The following RTL4 variants were observed in gnomAD, a reference collection of about 807,000 sequenced individuals.
The protein encoded by RTL4 is retrotransposon Gag-like protein 4.
In RTL4, 4 loss-of-function variants were observed where a neutral mutation model predicts 5.3. That is an observed-to-expected ratio of 0.75 (90% CI 0.37 to 1.72). The LOEUF is 1.72. RTL4 is among the 40% of genes most tolerant of loss of function. RTL4 has a pLI of 0.04. For missense variants in RTL4, 260 were observed against 227.1 expected (o/e 1.14, Z -0.93); for synonymous variants, 98 against 87.3 (o/e 1.12, Z -0.68).
the RTL4 span, among the ~76,000 whole-genome samples, chrX:112,341,163 CAAAAAAA>C: frequency 2.1e-4 from 16 of 77,661 alleles, no homozygotes; most frequent in Non-Finnish European, 2.6e-5. Context: ...TGATAGCAGG[CAAAAAAA>C]AAAAAAATGC....
At chrX:112,304,316 T>C in the RTL4 span, among the ~76,000 whole-genome samples, 1 of 111,038 alleles carries the variant, frequency 9.0e-6, no homozygotes, top group Non-Finnish European at 1.9e-5. Context: ...GCGTGTGTGT[T>C]TGTGTGTGTG....
chrX:112,409,514 G>C, the RTL4 span, among the ~76,000 whole-genome samples: 1 of 110,263 alleles, frequency 9.1e-6, no homozygotes, highest in Non-Finnish European at 1.9e-5. Context: ...GAGGTCGGGA[G>C]TTCGAGACCA....
the RTL4 span, among the ~76,000 whole-genome samples, chrX:112,250,287 A>AAAAAG: frequency 2.7e-5 from 3 of 111,190 alleles, no homozygotes; most frequent in East Asian, 8.5e-4. Context: ...TCAAAAAAAA[A>AAAAAG]AAAAGAAAAG....
the RTL4 span, among the ~76,000 whole-genome samples, chrX:112,253,058 G>A: frequency 1.8e-5 from 2 of 111,651 alleles, no homozygotes; most frequent in African/African-American, 3.3e-5. Flanking sequence ...ATATGAAAAC[G>A]TTTTGAACCA....
At chrX:112,455,480 C>T in exon 1 of RTL4, 2 of 1,211,455 alleles carry the variant, frequency 1.7e-6, no homozygotes, top group Non-Finnish European at 2.2e-6. Context: ...ACAGATCCAC[C>T]ACCCAAGAAA....
the RTL4 span, among the ~76,000 whole-genome samples, chrX:112,390,577 A>G: frequency 1.8e-4 from 20 of 110,773 alleles, no homozygotes; most frequent in African/African-American, 6.3e-4. Context: ...TGGATATGAA[A>G]TTTTCAGTTG....
At chrX:112,128,524 T>G in the RTL4 span, among the ~76,000 whole-genome samples, 2 of 109,383 alleles carry the variant, frequency 1.8e-5, no homozygotes, top group Non-Finnish European at 3.8e-5. Context: ...CCAGGCGCAG[T>G]GGCACGCGCC....
chrX:112,356,853 T>A, the RTL4 span, among the ~76,000 whole-genome samples: 6 of 111,655 alleles, frequency 5.4e-5, no homozygotes, highest in Middle Eastern at 4.2e-3. Context: ...CATGTGTTCA[T>A]CTTAACCCAA....
At chrX:112,225,574 C>T in the RTL4 span, among the ~76,000 whole-genome samples, 2 of 111,807 alleles carry the variant, frequency 1.8e-5, no homozygotes, top group Non-Finnish European at 3.8e-5. Context: ...CCATTCTCTC[C>T]AGTGCCTGTA....
At chrX:112,253,134 G>T in the RTL4 span, among the ~76,000 whole-genome samples, 1 of 111,680 alleles carries the variant, frequency 9.0e-6, no homozygotes, top group African/African-American at 3.3e-5. Flanking sequence ...CTCCTGAGTG[G>T]CAATGGTGAG....
chrX:112,432,097 G>A, the RTL4 span, among the ~76,000 whole-genome samples: 1 of 104,087 alleles, frequency 9.6e-6, no homozygotes. Flanking sequence ...TCCATGGTGT[G>A]TATGTGCCAC....
chrX:112,368,541 G>C, the RTL4 span, among the ~76,000 whole-genome samples: 1 of 111,060 alleles, frequency 9.0e-6, no homozygotes, highest in Non-Finnish European at 1.9e-5. Flanking sequence ...GCAATGTCTG[G>C]AGACATTTTG....
At chrX:112,113,743 C>T in the RTL4 span, among the ~76,000 whole-genome samples, 2 of 111,803 alleles carry the variant, frequency 1.8e-5, no homozygotes, top group Non-Finnish European at 3.8e-5. Context: ...AAGGGGGCAG[C>T]TTGTTTCTTG....
the RTL4 span, among the ~76,000 whole-genome samples, chrX:112,229,959 T>A: frequency 8.9e-6 from 1 of 112,527 alleles, no homozygotes; most frequent in East Asian, 2.8e-4. Flanking sequence ...GCCTCCCAGT[T>A]AGGCTACTCG....
chrX:112,329,076 C>T, the RTL4 span, among the ~76,000 whole-genome samples: 1 of 110,500 alleles, frequency 9.0e-6, no homozygotes, highest in Non-Finnish European at 1.9e-5. Flanking sequence ...AAAATTGACA[C>T]CCTAACATCA....
At chrX:112,328,516 G>C in the RTL4 span, among the ~76,000 whole-genome samples, 3 of 111,363 alleles carry the variant, frequency 2.7e-5, no homozygotes, top group African/African-American at 3.3e-5. Flanking sequence ...AGCAAGTCCT[G>C]AGTGACCTAC....
At chrX:112,294,849 T>C in the RTL4 span, among the ~76,000 whole-genome samples, 7 of 111,558 alleles carry the variant, frequency 6.3e-5, no homozygotes, top group Non-Finnish European at 1.1e-4. Context: ...GATCTGACCA[T>C]TGAATGATAG....
At chrX:112,228,399 T>G in the RTL4 span, among the ~76,000 whole-genome samples, 1 of 112,152 alleles carries the variant, frequency 8.9e-6, no homozygotes, top group Non-Finnish European at 1.9e-5. Context: ...GGATTATTTT[T>G]CCTTTTTAAA....
At chrX:112,262,251 C>T in the RTL4 span, among the ~76,000 whole-genome samples, 41 of 111,704 alleles carry the variant, frequency 3.7e-4, no homozygotes, top group East Asian at 9.9e-3. Context: ...TCAGAGTGAA[C>T]GGGCAACCTA....
Sources: gnomAD v4.1 joint callset for allele counts (sites outside exome capture counted in the v4.1 genomes callset) on GRCh38, gnomAD v4.1.1 for gene constraint, MANE v1.5 for transcripts, NCBI Gene and HGNC (gene_info 2026-07-23, HGNC 2026-07-21) for gene names.